The following STAB1 variants were observed in gnomAD, a reference collection of about 807,000 sequenced individuals.
STAB1 encodes the protein stabilin 1.
In STAB1, 250 loss-of-function variants were observed where a neutral mutation model predicts 332.4. That is an observed-to-expected ratio of 0.75 (90% CI 0.68 to 0.84). STAB1 has a LOEUF of 0.84. Ranked by LOEUF, STAB1 falls within the 40% of genes least tolerant of loss-of-function variation. The probability of loss-of-function intolerance (pLI) is 0.00; values close to 1 mark genes in which losing one functional copy is unlikely to be tolerated. For synonymous variants in STAB1, 1,475 were observed against 1,390.4 expected (o/e 1.06, Z -1.35); for missense variants, 3,249 against 3,489.7 (o/e 0.93, Z 1.74).
rs139781179 is a variant in STAB1 at position 52,509,516 on chromosome 3, G to A, written c.2347+195G>A. ...CGAAGCCCCAGGAGGAGGGACGAAGGCCAAGGGGAGTGGAGGAAGATTTGA... is the reference window on the plus strand; with the variant it reads ...CGAAGCCCCAGGAGGAGGGACGAAGACCAAGGGGAGTGGAGGAAGATTTGA... On this transcript the variant is annotated intron_variant, in intron 22 of 68. Coordinates refer to ENST00000321725, the MANE Select transcript of STAB1 (RefSeq NM_015136.3). 890 of 594,764 alleles carry A rather than the reference G, an allele frequency of 1.5e-3. 3 individuals carry two copies. Among genetic ancestry groups the A allele is most frequent in the Admixed American group, 3.1e-3 (101 of 32,706 alleles). The allele number at this position is 594,764 out of a possible 1,614,324, so 36.8% of individuals were successfully genotyped here.
At position 52,521,413 on chromosome 3, in the gene STAB1, C is replaced by A. The variant is rs968214796; in HGVS notation, c.5961C>A (p.Asp1987Glu). The change falls in exon 56 of 69, where the codon GAC becomes GAA. Residue 1987 changes from aspartate (D) to glutamate (E), a missense_variant. Physicochemically the swap from Asp to Glu is conservative, Grantham distance 45. Transcript: ENST00000321725. The stretch of plus-strand genomic sequence containing the variant: ...GTAGTGACCGTGGCGTGTGCATGGA[C>A]GGCATGAGTGGCAGTGGGCAGTGTC... ...SPCSDRGVCMDGMSGSGQCLC... is the reference protein window; with the variant it reads ...SPCSDRGVCMEGMSGSGQCLC... The A allele has an allele frequency of 6.2e-7, 1 of 1,613,882 alleles. No individual in the cohort carries two copies. The highest frequency in any genetic ancestry group is 1.3e-5 in the African/African-American group (1 of 74,922).
rs1047493400 is a variant in STAB1 at position 52,511,848 on chromosome 3, C to T, written c.2883+103C>T. ...CATCTCTGGGTGTCTCTCTGTACCC[C>T]CTCAGGATTAAGATCTTTCTAAACT... On this transcript the variant is annotated intron_variant, in intron 26 of 68. Transcript: ENST00000321725. 1.7e-5 allele frequency: 15 copies of T among 906,524 alleles called. No individual in the cohort carries two copies. The African/African-American group carries it at 1.7e-4, about 10-fold the overall frequency. The allele number at this position is 906,524 out of a possible 1,614,324, so 56.2% of individuals were successfully genotyped here.
intron 18 of STAB1, among the ~76,000 whole-genome samples, 170 bp from the exon 19 acceptor site, chr3:52,507,443 C>A (rs79939433): frequency 6.6e-6 from 1 of 152,248 alleles, no homozygotes; most frequent in African/African-American, 2.4e-5. Flanking sequence ...TAGCTCTGCC[C>A]GGCTCGGGGC....
chr3:52,502,797 T>G, intron 6 of STAB1, 70 bp downstream of exon 6: 2 of 1,516,286 alleles, frequency 1.3e-6, no homozygotes, highest in Middle Eastern at 2.0e-4. Context: ...GCCGACTGGG[T>G]GAGGATGGGG....
intron 50 of STAB1, 155 bp downstream of exon 50, chr3:52,519,719 G>A (rs2153234041): frequency 1.6e-6 from 2 of 1,242,170 alleles, no homozygotes; most frequent in East Asian, 2.5e-5. Flanking sequence ...ACATCTGTGT[G>A]CATGTGCACC....
intron 36 of STAB1, 82 bp from the exon 37 acceptor site, chr3:52,515,341 G>A (rs1272453761): frequency 5.2e-6 from 7 of 1,340,762 alleles, no homozygotes; most frequent in South Asian, 4.7e-5. Context: ...GACACCTGTA[G>A]TCCATCTGTC....
At chr3:52,501,474 A>G (rs1708437831) in intron 2 of STAB1, 164 bp from the exon 3 acceptor site, 2 of 1,145,670 alleles carry the variant, frequency 1.7e-6, no homozygotes, top group East Asian at 5.2e-5. Flanking sequence ...GGCGAGGGGC[A>G]GGAGGGGTTT....
intron 18 of STAB1, 130 bp from the exon 19 acceptor site, chr3:52,507,483 G>A: frequency 1.0e-6 from 1 of 953,000 alleles, no homozygotes; most frequent in Non-Finnish European, 1.6e-6. Context: ...TGCCTGGAAT[G>A]CCAGTGCTGG....
At chr3:52,501,435 G>C in intron 2 of STAB1, 133 bp downstream of exon 2, 1 of 1,405,944 alleles carries the variant, frequency 7.1e-7, no homozygotes, top group Non-Finnish European at 9.7e-7. Context: ...CACCTGGGTG[G>C]TGGAGATAGG....
chr3:52,518,217 C>T (rs1417284998), intron 45 of STAB1, 95 bp from the exon 46 acceptor site: 1 of 1,579,676 alleles, frequency 6.3e-7, no homozygotes, highest in Non-Finnish European at 8.6e-7. Flanking sequence ...TTCCTCATGT[C>T]TGCCTTGGCT....
chr3:52,511,971 C>T (rs568801331), intron 26 of STAB1, among the ~76,000 whole-genome samples: 22 of 152,348 alleles, frequency 1.4e-4, no homozygotes, highest in East Asian at 1.3e-3. Context: ...TCCTTGGCTA[C>T]GCTGAGCTCC....
intron 14 of STAB1, 57 bp from the exon 15 acceptor site, chr3:52,505,611 G>A (rs905752186): frequency 2.1e-5 from 33 of 1,559,446 alleles, no homozygotes; most frequent in Non-Finnish European, 2.5e-5. Flanking sequence ...GCCCAGGCAG[G>A]ACTCAGAGGT....
Position 52,519,614 on chromosome 3 carries a change from G to A in STAB1, c.5235+50G>A, listed in dbSNP as rs1332132810. ...ATTGTGGACACACATGCACGTGTAA[G>A]TGTGTGCAAGTGTGTATGCGTACCT... On this transcript the variant is annotated intron_variant, in intron 50 of 68. Transcript: ENST00000321725. The A allele has an allele frequency of 4.0e-6, 6 of 1,496,932 alleles. No individual in the cohort carries two copies. In the East Asian group the frequency reaches 9.7e-5, roughly 24 times the overall value. The allele number at this position is 1,496,932 out of a possible 1,614,324, so 92.7% of individuals were successfully genotyped here.
In STAB1 at chr3:52,504,079, C is replaced by A; in HGVS notation, c.1074C>A (p.His358Gln). Reference sequence around the variant, plus strand: ...GGGATGGGCGTGCCTGCTACGGACACCTGCTCCACGAGGTGCAGAAGGCCA... The same window carrying A: ...GGGATGGGCGTGCCTGCTACGGACAACTGCTCCACGAGGTGCAGAAGGCCA... ...EVGDGRACYG[H>Q]LLHEVQKATQ... is the part of the protein sequence containing the mutation. The change falls in exon 10 of 69, where the codon CAC (histidine) becomes CAA (glutamine). Residue 358 changes from histidine to glutamine, a missense_variant. His to Gln is a conservative substitution (Grantham distance 24). Coordinates refer to ENST00000321725, the MANE Select transcript of STAB1 (RefSeq NM_015136.3). 1 of 1,587,030 alleles carries A rather than the reference C, an allele frequency of 6.3e-7. No individual in the cohort carries two copies. The highest frequency in any genetic ancestry group is 1.1e-5 in the South Asian group (1 of 88,064).
chr3:52,508,222 A>C, intron 20 of STAB1, 51 bp from the exon 21 acceptor site: 2 of 1,549,326 alleles, frequency 1.3e-6, no homozygotes, highest in Non-Finnish European at 1.8e-6. Context: ...CAGCCTGGGC[A>C]GGGAGGGCAT....
chr3:52,502,046 G>C lies in STAB1; in HGVS notation c.372G>C (p.Gly124=). 6.2e-7 allele frequency: 1 copy of C among 1,613,458 alleles called. No individual in the cohort carries two copies. Among genetic ancestry groups the C allele is most frequent in the African/African-American group, 1.3e-5 (1 of 75,018 alleles). The part of the protein sequence containing the change: ...GGAETPCNGH[G]TCLDGMDRNG... ...CTGAGACCCCATGCAATGGCCACGG[G>C]ACCTGCTTGGATGGCATGGACAGGA... The change falls in exon 4 of 69, where the codon GGG becomes GGC. Residue 124 remains glycine, a synonymous_variant. Transcript: ENST00000321725.
chr3:52,510,214 C>T lies in STAB1; in HGVS notation c.2607C>T (p.Asp869=). The T allele has an allele frequency of 6.2e-7, 1 of 1,614,026 alleles. No homozygotes were observed. The highest frequency in any genetic ancestry group is 1.3e-5 in the African/African-American group (1 of 75,054). The change falls in exon 24 of 69, where the codon GAC becomes GAT. Residue 869 remains aspartate (D), a synonymous_variant. Coordinates refer to ENST00000321725, the MANE Select transcript of STAB1 (RefSeq NM_015136.3). ...CTPSNPCSHP[D]RGGCSENAEC... is the part of the protein sequence containing the mutation. ...CTAGCAACCCCTGCTCCCACCCGGA[C>T]CGTGGAGGCTGCTCAGAGAATGTCA...
At chr3:52,508,052 C>T (rs1709009957) in intron 20 of STAB1, 26 bp downstream of exon 20, 1 of 1,604,388 alleles carries the variant, frequency 6.2e-7, no homozygotes, top group African/African-American at 1.3e-5. Flanking sequence ...GGTGCCCACT[C>T]CCAGGTCACC....
At position 52,516,174 on chromosome 3, in the gene STAB1, G is replaced by A; in HGVS notation, c.4080G>A (p.Glu1360=). Residue 1360 remains glutamate (E), a synonymous_variant, in exon 38 of 69, where the codon GAG becomes GAA. Transcript: ENST00000321725. ...FLGSGECHCH[E]GFHGTACEVC... is the part of the protein sequence containing the mutation. Reference sequence around the variant, plus strand: ...GCAGCGGGGAGTGCCACTGCCACGAGGGCTTCCATGGAACGGCCTGTGAGG... The same window carrying A: ...GCAGCGGGGAGTGCCACTGCCACGAAGGCTTCCATGGAACGGCCTGTGAGG... 2 of 1,612,590 alleles carry A rather than the reference G, an allele frequency of 1.2e-6. No homozygotes were observed. The highest frequency in any genetic ancestry group is 1.7e-5 in the Admixed American group (1 of 59,976).
Sources: allele counts gnomAD v4.1 joint callset (sites outside exome capture counted in the v4.1 genomes callset), GRCh38; gene constraint gnomAD v4.1.1; transcripts MANE v1.5; gene names NCBI Gene and HGNC (gene_info 2026-07-23, HGNC 2026-07-21).